The following RP1 variants were observed in gnomAD, a reference collection of about 807,000 sequenced individuals.
The protein encoded by RP1 is oxygen-regulated protein 1.
RP1 carries 16 observed loss-of-function variants against 14.8 expected under a neutral mutation model. The ratio of observed to expected loss-of-function variants is 1.08; its 90% confidence interval spans 0.73 to 1.65. The LOEUF is 1.65. RP1 is among the 40% of genes most tolerant of loss of function. The pLI is 0.00. For synonymous variants in RP1, 876 were observed against 883.6 expected, an observed-to-expected ratio of 0.99 and a Z score of 0.15; for missense variants, 2,631 against 2,535.0, an observed-to-expected ratio of 1.04 and a Z score of -0.81.
intron 16 of RP1, among the ~76,000 whole-genome samples, chr8:54,722,264 GTT>G (rs113532231): frequency 7.0e-6 from 1 of 143,048 alleles, no homozygotes; most frequent in African/African-American, 2.6e-5. Context: ...TTTTAGAATG[GTT>G]TTTTTTTTTG....
intron 24 of RP1, among the ~76,000 whole-genome samples, chr8:54,788,046 T>C (rs1212313233): frequency 6.6e-6 from 1 of 152,220 alleles, no homozygotes; most frequent in Non-Finnish European, 1.5e-5. Context: ...CATTATGCTC[T>C]TTAGGCTGAC....
chr8:54,625,172 G>T lies in RP1; in HGVS notation c.1290G>T (p.Val430=). 6.2e-7 allele frequency: 1 copy of T among 1,614,148 alleles called. No individual in the cohort carries two copies. The highest frequency in any genetic ancestry group is 8.5e-7 in the Non-Finnish European group (1 of 1,180,032). ...CTGCTAGTTGGGAGAATGCTACTGT[G>T]GACACAGATATCATCCAGGGAACTC... is the stretch of plus-strand genomic sequence containing the variant. ...CSSASWENAT[V]DTDIIQGTQD... Residue 430 remains valine, a synonymous_variant, in exon 4 of 4, where the codon GTG becomes GTT. Transcript: ENST00000220676.
At chr8:54,665,658 T>C (rs537325078) in intron 7 of RP1, among the ~76,000 whole-genome samples, 1 of 152,274 alleles carries the variant, frequency 6.6e-6, no homozygotes, top group Admixed American at 6.5e-5. Flanking sequence ...TTGCTGTTTG[T>C]TGCTCCCAAG....
intron 7 of RP1, among the ~76,000 whole-genome samples, chr8:54,668,313 T>A (rs1807063501): frequency 6.6e-6 from 1 of 152,076 alleles, no homozygotes; most frequent in South Asian, 2.1e-4. Context: ...GAATACAACT[T>A]ACAAGGGATG....
At chr8:54,761,295 G>A (rs908009987) in intron 22 of RP1, among the ~76,000 whole-genome samples, 3 of 140,254 alleles carry the variant, frequency 2.1e-5, no homozygotes, top group African/African-American at 8.0e-5. Context: ...GGAGTGCAGT[G>A]ACTCAATCTC....
chr8:54,670,671 T>TTA (rs375877155), intron 7 of RP1, among the ~76,000 whole-genome samples: 3,370 of 62,488 alleles, frequency 0.054, 295 homozygotes, highest in Admixed American at 0.061. Context: ...ATATATGTTT[T>TTA]TATATATATA....
chr8:54,713,814 TTACATACATAGC>T (rs1438746495), intron 15 of RP1, among the ~76,000 whole-genome samples: 2 of 152,236 alleles, frequency 1.3e-5, no homozygotes, highest in Non-Finnish European at 2.9e-5. Flanking sequence ...AAAATTGTGT[TTACATACATAGC>T]TACATGCAAG....
At chr8:54,746,689 T>C (rs1458057287) in intron 19 of RP1, among the ~76,000 whole-genome samples, 1 of 152,248 alleles carries the variant, frequency 6.6e-6, no homozygotes, top group Non-Finnish European at 1.5e-5. Flanking sequence ...GAATTGACTT[T>C]GGCTCTTTCA....
chr8:54,667,623 C>T (rs1037521828), intron 7 of RP1, among the ~76,000 whole-genome samples: 11 of 152,062 alleles, frequency 7.2e-5, no homozygotes, highest in African/African-American at 2.4e-4. Flanking sequence ...CTACCTGTTT[C>T]GGTGTGGATA....
intron 25 of RP1, among the ~76,000 whole-genome samples, chr8:54,840,932 A>C (rs2129404469): frequency 6.6e-6 from 1 of 152,352 alleles, no homozygotes; most frequent in Middle Eastern, 3.4e-3. Context: ...AGGCTCTGAC[A>C]TATCAGTCCA....
chr8:54,723,972 A>G (rs1808593560), intron 16 of RP1, among the ~76,000 whole-genome samples: 1 of 152,214 alleles, frequency 6.6e-6, no homozygotes, highest in Non-Finnish European at 1.5e-5. Context: ...TCTGGCTATT[A>G]GTAACCCCTC....
intron 24 of RP1, among the ~76,000 whole-genome samples, chr8:54,816,649 A>G (rs1178487931): frequency 2.0e-5 from 3 of 152,194 alleles, no homozygotes; most frequent in Admixed American, 1.3e-4. Flanking sequence ...AGTCTCTTAC[A>G]TAGTCTCTCC....
chr8:54,767,955 C>A lies in RP1; in HGVS notation c.3249-1786C>A, dbSNP rs757258448. On this transcript the variant is annotated intron_variant, in intron 22 of 22. Coordinates refer to the RP1 transcript ENST00000636932. ...CAATCCTGACAGCTGGGTAGGACTG[C>A]GAGCTCACAGTTCGCCTTTATACCC... Among the ~76,000 whole-genome samples, 30 of 152,284 alleles carry A rather than the reference C, an allele frequency of 2.0e-4. 1 individual carries two copies. Among genetic ancestry groups the A allele is most frequent in the African/African-American group, 6.7e-4 (28 of 41,562 alleles).
At chr8:54,722,202 A>T (rs1295054061) in intron 16 of RP1, among the ~76,000 whole-genome samples, 2 of 145,156 alleles carry the variant, frequency 1.4e-5, no homozygotes, top group Non-Finnish European at 3.0e-5. Flanking sequence ...CCTGCACTCT[A>T]GCTCCAAAAA....
At chr8:54,827,628 C>A (rs919644740) in intron 24 of RP1, among the ~76,000 whole-genome samples, 1 of 152,162 alleles carries the variant, frequency 6.6e-6, no homozygotes, top group Non-Finnish European at 1.5e-5. Context: ...CTGTGCCAGG[C>A]TACATTTTTT....
chr8:54,816,006 T>C (rs1426946035), intron 24 of RP1, among the ~76,000 whole-genome samples: 2 of 152,168 alleles, frequency 1.3e-5, no homozygotes, highest in Non-Finnish European at 2.9e-5. Context: ...GCCTTACAGA[T>C]CTCTTACCTA....
intron 12 of RP1, chr8:54,696,791 C>G: frequency 1.4e-6 from 1 of 725,826 alleles, no homozygotes; most frequent in African/African-American, 1.7e-5. Flanking sequence ...AAAAATGCCA[C>G]GTATAGTGGA....
In RP1 at chr8:54,630,669, A is replaced by G; in HGVS notation, c.*316A>G. ...TCAAAATGTGCTAAGGACAAGAATT[A>G]TATCCTTTTTAAAAAATGTTGTTAG... is the stretch of plus-strand genomic sequence containing the variant. On this transcript the variant is annotated 3_prime_UTR_variant, in exon 4 of 4. Transcript: ENST00000220676. The G allele has an allele frequency of 2.7e-6, 3 of 1,122,110 alleles. No individual in the cohort carries two copies. Among genetic ancestry groups the G allele is most frequent in the South Asian group, 2.4e-5 (1 of 40,978 alleles). The allele number at this position is 1,122,110 out of a possible 1,614,324, so 69.5% of individuals were successfully genotyped here.
Position 54,699,630 on chromosome 8 carries a change from G to A in RP1, c.1821+60G>A, listed in dbSNP as rs565619938. 628 of 775,394 alleles carry A rather than the reference G, an allele frequency of 8.1e-4. 2 individuals are homozygous for A. The highest frequency in any genetic ancestry group is 1.1e-3 in the Non-Finnish European group (585 of 551,998). The allele number at this position is 775,394 out of a possible 1,614,324, so 48.0% of individuals were successfully genotyped here. Reference sequence around the variant, plus strand: ...TAGTATTATGTCTGTATATTTTTTTGTATAAGATACATTTATAAGATTACC... The same window carrying A: ...TAGTATTATGTCTGTATATTTTTTTATATAAGATACATTTATAAGATTACC... On this transcript the variant is annotated intron_variant, in intron 13 of 22. Coordinates refer to the RP1 transcript ENST00000636932.
Sources: allele counts gnomAD v4.1 joint callset (sites outside exome capture counted in the v4.1 genomes callset), GRCh38; gene constraint gnomAD v4.1.1; transcripts MANE v1.5; gene names NCBI Gene and HGNC (gene_info 2026-07-23, HGNC 2026-07-21).